The following DPYSL4 variants were observed in gnomAD, a reference collection of about 807,000 sequenced individuals.
DPYSL4 encodes dihydropyrimidinase-related protein 4.
Under a neutral mutation model 63.4 loss-of-function variants are expected in DPYSL4, and 43 were observed. The observed-to-expected ratio is 0.68, with a 90% CI of 0.53 to 0.88. The LOEUF is 0.88. Ranked by LOEUF, DPYSL4 falls within the 40% of genes least tolerant of loss-of-function variation. The probability of loss-of-function intolerance (pLI) is 0.00; values close to 1 mark genes in which losing one functional copy is unlikely to be tolerated. For synonymous variants in DPYSL4, 353 were observed against 331.7 expected, an observed-to-expected ratio of 1.06 and a Z score of -0.70; for missense variants, 733 against 819.5, an observed-to-expected ratio of 0.89 and a Z score of 1.29.
intron 1 of DPYSL4, among the ~76,000 whole-genome samples, chr10:132,189,648 C>T (rs2061848566): frequency 6.6e-6 from 1 of 152,186 alleles, no homozygotes; most frequent in Non-Finnish European, 1.5e-5. Context: ...CAAGTCCTGC[C>T]CTCCTGACTC....
chr10:132,200,920 G>C lies in DPYSL4; in HGVS notation c.1047G>C (p.Ala349=). 1 of 1,613,298 alleles carries C rather than the reference G, an allele frequency of 6.2e-7. No individual in the cohort carries two copies. The highest frequency in any genetic ancestry group is 2.2e-5 in the East Asian group (1 of 44,882). Residue 349 remains alanine (A), a synonymous_variant, in exon 10 of 14, where the codon GCG becomes GCC. Transcript: ENST00000338492. ...AQKAVGKDNF[A]LIPEGTNGIE... The stretch of plus-strand genomic sequence containing the variant: ...AGGCTGTGGGCAAGGACAACTTCGC[G>C]CTGATCCCCGAGGGCACCAACGGCA...
intron 3 of DPYSL4, among the ~76,000 whole-genome samples, chr10:132,194,101 C>T (rs1193711815): frequency 6.6e-6 from 1 of 152,276 alleles, no homozygotes; most frequent in Non-Finnish European, 1.5e-5. Context: ...TCTATCCTGC[C>T]TCTGTCTTCC....
Position 132,187,046 on chromosome 10 carries a change from G to A in DPYSL4, c.-18G>A. The A allele has an allele frequency of 1.0e-6, 1 of 975,184 alleles. No homozygotes were observed. The highest frequency in any genetic ancestry group is 1.3e-6 in the Non-Finnish European group (1 of 765,514). 60.4% of individuals were successfully genotyped at this position (975,184 alleles called of 1,614,324 possible). A position where few individuals can be genotyped will look rare whatever the true frequency, so the allele number is the denominator to read the frequency against. ...GCCCCCGCTTGTGCCGCCCCTACCA[G>A]AGACCCCCAGGAGCAGGATGTCCTT... On this transcript the variant is annotated 5_prime_UTR_variant, in exon 1 of 14. Transcript: ENST00000338492.
chr10:132,193,516 A>T (rs1419131879), intron 3 of DPYSL4, among the ~76,000 whole-genome samples: 2 of 152,196 alleles, frequency 1.3e-5, no homozygotes, highest in East Asian at 3.9e-4. Context: ...TGGTGAGCTC[A>T]GGAGGCAGGA....
At chr10:132,201,308 C>T (rs2062015003) in intron 10 of DPYSL4, among the ~76,000 whole-genome samples, 1 of 152,246 alleles carries the variant, frequency 6.6e-6, no homozygotes, top group African/African-American at 2.4e-5. Flanking sequence ...GATGCCCTCA[C>T]GACCCGTCGC....
At position 132,190,789 on chromosome 10, in the gene DPYSL4, G is replaced by T; in HGVS notation, c.82G>T (p.Asp28Tyr). Residue 28 changes from aspartate to tyrosine, a missense_variant, in exon 2 of 14, where the codon GAC (aspartate) becomes TAC (tyrosine). By Grantham distance (160) the Asp-to-Tyr change is radical (BLOSUM62 -3). Coordinates refer to ENST00000338492, the MANE Select transcript of DPYSL4 (RefSeq NM_006426.3). The part of the protein sequence containing the change: ...LIRGGRIVND[D>Y]QSFYADVHVE... ...CAGAGGTGGGAGGATCGTGAATGAC[G>T]ACCAGTCCTTTTACGCTGATGTGCA... 1 of 1,613,708 alleles carries T rather than the reference G, an allele frequency of 6.2e-7. No individual in the cohort carries two copies. The highest frequency in any genetic ancestry group is 1.1e-5 in the South Asian group (1 of 91,016).
chr10:132,195,451 A>G lies in DPYSL4; in HGVS notation c.478+442A>G, dbSNP rs111272344. On this transcript the variant is annotated intron_variant, in intron 4 of 13. Transcript: ENST00000338492. ...AAAACCCTGAAGCTAAAACTACATC[A>G]GAGTTTCATAGTGGGTTTGACAAGT... is the stretch of plus-strand genomic sequence containing the variant. Among the ~76,000 whole-genome samples the G allele has an allele frequency of 6.0e-3, 912 of 152,316 alleles. 15 individuals are homozygous for G. Among genetic ancestry groups the G allele is most frequent in the African/African-American group, 0.02 (849 of 41,568 alleles).
intron 12 of DPYSL4, among the ~76,000 whole-genome samples, chr10:132,203,212 G>A (rs548022126): frequency 3.3e-5 from 5 of 152,324 alleles, no homozygotes; most frequent in African/African-American, 9.6e-5. Flanking sequence ...GGACAGACGT[G>A]CACGCTGATT....
chr10:132,203,983 G>C lies in DPYSL4; in HGVS notation c.1627+56G>C, dbSNP rs1200911123. ...GAGGGGCTCTGCCGGAGCATCCAGGGCCTCAGGTACCAGGGCCCAGCCTGT... is the reference window on the plus strand; with the variant it reads ...GAGGGGCTCTGCCGGAGCATCCAGGCCCTCAGGTACCAGGGCCCAGCCTGT... On this transcript the variant is annotated intron_variant, in intron 13 of 13. Transcript: ENST00000338492. The C allele has an allele frequency of 2.4e-5, 37 of 1,549,940 alleles. 1 individual carries two copies. The South Asian group carries it at 4.3e-4, about 18-fold the overall frequency.
At chr10:132,189,331 C>T (rs1038617745) in intron 1 of DPYSL4, among the ~76,000 whole-genome samples, 3 of 152,040 alleles carry the variant, frequency 2.0e-5, no homozygotes, top group African/African-American at 7.2e-5. Context: ...GTTTCTCTCC[C>T]CCATTCTCCA....
intron 7 of DPYSL4, 64 bp downstream of exon 7, chr10:132,198,547 C>G: frequency 6.8e-7 from 1 of 1,471,032 alleles, no homozygotes; most frequent in African/African-American, 1.4e-5. Flanking sequence ...CTGCCTGGGG[C>G]TGTGCTGACC....
chr10:132,187,012 C>CGGGTG lies in DPYSL4; in HGVS notation c.-51_-50insGGTGG. The CGGGTG allele has an allele frequency of 4.5e-6, 1 of 222,370 alleles. No homozygotes were observed. The highest frequency in any genetic ancestry group is 5.6e-5 in the East Asian group (1 of 17,866). The allele number at this position is 222,370 out of a possible 1,614,324, so 13.8% of individuals were successfully genotyped here. On this transcript the variant is annotated 5_prime_UTR_variant, in exon 1 of 14. Transcript: ENST00000338492. Reference sequence around the variant, plus strand: ...TCACGCGTCCCCCCGCCCGCCCGCCCGCCCGCCCGCCCCCGCTTGTGCCGC... The same window carrying CGGGTG: ...TCACGCGTCCCCCCGCCCGCCCGCCCGGGTGGCCCGCCCGCCCCCGCTTGTGCCGC...
intron 10 of DPYSL4, among the ~76,000 whole-genome samples, chr10:132,201,310 ACCCGTCGCACACCGC>A (rs927280869): frequency 6.6e-6 from 1 of 151,918 alleles, no homozygotes; most frequent in African/African-American, 2.4e-5. Context: ...TGCCCTCACG[ACCCGTCGCACACCGC>A]CCTGTCCTGC....
intron 6 of DPYSL4, 41 bp downstream of exon 6, chr10:132,197,142 T>C (rs1217155147): frequency 4.1e-6 from 6 of 1,457,914 alleles, no homozygotes; most frequent in African/African-American, 1.4e-5. Context: ...GCACAGGGGC[T>C]GCCGTGGGGC....
intron 6 of DPYSL4, 96 bp downstream of exon 6, chr10:132,197,197 A>G: frequency 9.1e-7 from 1 of 1,094,244 alleles, no homozygotes; most frequent in Non-Finnish European, 1.3e-6. Context: ...GGTGACTTTC[A>G]TGATACGCAG....
intron 12 of DPYSL4, chr10:132,203,503 G>A (rs1331559791): frequency 4.3e-5 from 22 of 517,126 alleles, no homozygotes; most frequent in Non-Finnish European, 6.2e-5. Flanking sequence ...GGGGAGGGAC[G>A]TTTGCACACA....
At chr10:132,192,233 C>A in intron 2 of DPYSL4, 1 of 841,958 alleles carries the variant, frequency 1.2e-6, no homozygotes, top group Non-Finnish European at 1.4e-6. Context: ...TGTTGGGTGG[C>A]TGTGGGCGAA....
At chr10:132,198,757 A>G (rs2137516301) in intron 7 of DPYSL4, 94 bp from the exon 8 acceptor site, 2 of 1,544,258 alleles carry the variant, frequency 1.3e-6, no homozygotes, top group East Asian at 4.6e-5. Flanking sequence ...TGAGCCTGGG[A>G]TCCCATGGGT....
chr10:132,200,180 C>G (rs1349164405), intron 8 of DPYSL4, among the ~76,000 whole-genome samples, 176 bp from the exon 9 acceptor site: 1 of 152,212 alleles, frequency 6.6e-6, no homozygotes, highest in South Asian at 2.1e-4. Flanking sequence ...CCACGTCTGC[C>G]CGCGACCCAG....
Sources: allele counts gnomAD v4.1 joint callset (sites outside exome capture counted in the v4.1 genomes callset), GRCh38; gene constraint gnomAD v4.1.1; transcripts MANE v1.5; gene names NCBI Gene and HGNC (gene_info 2026-07-23, HGNC 2026-07-21).